Variants in ROBO1 observed in about 807,000 individuals in gnomAD.
ROBO1 encodes roundabout guidance receptor 1.
In ROBO1, 149 loss-of-function variants were observed where a neutral mutation model predicts 195.9. The observed-to-expected ratio is 0.76, with a 90% confidence interval of 0.67 to 0.87. The LOEUF is 0.87. ROBO1 is among the 40% of genes least tolerant of loss of function. ROBO1 has a pLI of 0.00. For synonymous variants in ROBO1, 816 were observed against 733.2 expected, an observed-to-expected ratio of 1.11 and a Z score of -1.82; for missense variants, 1,933 against 2,068.3, an observed-to-expected ratio of 0.93 and a Z score of 1.27.
At chr3:79,040,401 G>A (rs547237616) in intron 3 of ROBO1, among the ~76,000 whole-genome samples, 21 of 152,022 alleles carry the variant, frequency 1.4e-4, no homozygotes, top group East Asian at 3.9e-4. Context: ...TACTCTTACC[G>A]TTTCAACAAA....
At chr3:79,102,055 G>A (rs1031056735) in intron 3 of ROBO1, among the ~76,000 whole-genome samples, 1 of 151,506 alleles carries the variant, frequency 6.6e-6, no homozygotes, top group East Asian at 1.9e-4. Flanking sequence ...TAATAATGTT[G>A]ATCAGTATTT....
At chr3:79,278,922 T>C (rs906760677) in intron 2 of ROBO1, among the ~76,000 whole-genome samples, 12 of 152,120 alleles carry the variant, frequency 7.9e-5, no homozygotes, top group Non-Finnish European at 1.6e-4. Context: ...TGGGAGAATG[T>C]ATTTGCAAAT....
intron 14 of ROBO1, among the ~76,000 whole-genome samples, chr3:78,666,880 AT>A (rs764626352): frequency 8.0e-5 from 12 of 150,912 alleles, no homozygotes; most frequent in Non-Finnish European, 1.2e-4. Flanking sequence ...AACCAAGTCT[AT>A]TTTTTTTTCT....
intron 2 of ROBO1, among the ~76,000 whole-genome samples, chr3:79,294,864 T>C (rs1236266304): frequency 2.6e-5 from 4 of 152,156 alleles, no homozygotes; most frequent in Admixed American, 1.3e-4. Context: ...TCATCACTAG[T>C]CATTAGAGAA....
intron 2 of ROBO1, among the ~76,000 whole-genome samples, chr3:79,312,297 G>T (rs1181145569): frequency 6.6e-6 from 1 of 152,060 alleles, no homozygotes; most frequent in South Asian, 2.1e-4. Flanking sequence ...TGGATATAGA[G>T]CACATCATGA....
At chr3:79,646,447 TAC>T (rs1317641420) in intron 1 of ROBO1, among the ~76,000 whole-genome samples, 1 of 152,152 alleles carries the variant, frequency 6.6e-6, no homozygotes, top group Non-Finnish European at 1.5e-5. Context: ...GGAATTCTTG[TAC>T]ACTGTTGGGA....
chr3:79,459,620 T>C (rs1214477488), intron 2 of ROBO1, among the ~76,000 whole-genome samples: 1 of 152,100 alleles, frequency 6.6e-6, no homozygotes, highest in East Asian at 1.9e-4. Flanking sequence ...GAAAAAAGAA[T>C]ATATTGAATA....
intron 8 of ROBO1, among the ~76,000 whole-genome samples, chr3:78,696,224 T>C (rs116119306): frequency 3.2e-4 from 48 of 151,908 alleles, no homozygotes; most frequent in African/African-American, 1.1e-3. Flanking sequence ...ATCCTTCTCA[T>C]AGCCCTTCTC....
intron 2 of ROBO1, among the ~76,000 whole-genome samples, chr3:79,539,742 T>TA (rs1193617022): frequency 3.3e-5 from 5 of 152,080 alleles, no homozygotes; most frequent in African/African-American, 1.2e-4. Flanking sequence ...CATCCAACAT[T>TA]ACAGAGTGGA....
At chr3:79,102,017 A>C (rs1576675203) in intron 3 of ROBO1, among the ~76,000 whole-genome samples, 1 of 151,888 alleles carries the variant, frequency 6.6e-6, no homozygotes, top group African/African-American at 2.4e-5. Flanking sequence ...TGACCTACCT[A>C]ATTTCCACAC....
intron 2 of ROBO1, among the ~76,000 whole-genome samples, chr3:79,503,550 T>C (rs997563434): frequency 1.3e-5 from 2 of 152,188 alleles, no homozygotes; most frequent in Non-Finnish European, 2.9e-5. Context: ...TAAGTCACTT[T>C]AATGTGTCTT....
intron 2 of ROBO1, among the ~76,000 whole-genome samples, chr3:79,267,102 A>T (rs1445999964): frequency 6.6e-6 from 1 of 151,540 alleles, no homozygotes; most frequent in Non-Finnish European, 1.5e-5. Context: ...ATGAATATAA[A>T]TTGTAAAAAT....
rs181423785 is a variant in ROBO1 at position 78,770,298 on chromosome 3, G to C, written c.500-23398C>G. 5.9e-5 allele frequency among the ~76,000 whole-genome samples: 9 copies of C among 152,136 alleles called. No individual in the cohort carries two copies. The East Asian group carries it at 1.4e-3, about 23-fold the overall frequency. ...AATCTCACCAGCATCTATTGTTTTT[G>C]ACTTTTTGATAACAGCCATTCAGAA... On this transcript the variant is annotated intron_variant, in intron 4 of 30. Coordinates refer to ENST00000464233, the MANE Select transcript of ROBO1 (RefSeq NM_002941.4).
chr3:78,782,562 A>T (rs2083710990), intron 4 of ROBO1, among the ~76,000 whole-genome samples: 2 of 152,112 alleles, frequency 1.3e-5, no homozygotes, highest in Non-Finnish European at 2.9e-5. Context: ...CTGCAACCTT[A>T]GTTCTCCCCA....
At chr3:78,657,357 C>T (rs1707104051) in intron 17 of ROBO1, 88 bp from the exon 18 acceptor site, 2 of 1,376,822 alleles carry the variant, frequency 1.5e-6, no homozygotes, top group Admixed American at 2.0e-5. Flanking sequence ...TAGACCCAGA[C>T]AGAGTACTAA....
At chr3:78,762,226 T>C (rs1469666807) in intron 4 of ROBO1, among the ~76,000 whole-genome samples, 1 of 152,032 alleles carries the variant, frequency 6.6e-6, no homozygotes, top group Non-Finnish European at 1.5e-5. Flanking sequence ...CAATGACCTA[T>C]GATTTAATAG....
chr3:79,550,197 A>AAGGAAAGGAAAGG (rs1553762955), intron 2 of ROBO1, among the ~76,000 whole-genome samples: 1 of 19,298 alleles, frequency 5.2e-5, no homozygotes, highest in Non-Finnish European at 1.3e-4. Flanking sequence ...GAAAGAAAGG[A>AAGGAAAGGAAAGG]AAAGAAAAGA....
chr3:79,333,065 G>T (rs2034515127), intron 2 of ROBO1, among the ~76,000 whole-genome samples: 1 of 151,846 alleles, frequency 6.6e-6, no homozygotes. Context: ...TAGCCAGGGG[G>T]GGTAGCATGC....
At chr3:78,879,930 A>G (rs1056020206) in intron 4 of ROBO1, among the ~76,000 whole-genome samples, 1 of 152,190 alleles carries the variant, frequency 6.6e-6, no homozygotes, top group Non-Finnish European at 1.5e-5. Context: ...CCAATAATAG[A>G]AAAATTAATA....
Sources: gnomAD v4.1 joint callset for allele counts (sites outside exome capture counted in the v4.1 genomes callset) on GRCh38, gnomAD v4.1.1 for gene constraint, MANE v1.5 for transcripts, NCBI Gene and HGNC (gene_info 2026-07-23, HGNC 2026-07-21) for gene names.